The following GSR variants were observed in gnomAD, a reference collection of about 807,000 sequenced individuals.
The protein encoded by GSR is glutathione reductase, mitochondrial.
Under a neutral mutation model 56.5 loss-of-function variants are expected in GSR, and 48 were observed. That is an observed-to-expected ratio of 0.85 (90% CI 0.67 to 1.08). The LOEUF is 1.08. GSR is among the 50% of genes least tolerant of loss of function. The probability of loss-of-function intolerance (pLI) is 0.00; values close to 1 mark genes in which losing one functional copy is unlikely to be tolerated. For synonymous variants in GSR, 264 were observed against 270.8 expected (o/e 0.97, Z 0.25); for missense variants, 694 against 703.3 (o/e 0.99, Z 0.15).
chr8:30,682,469 A>G (rs1235323700), intron 10 of GSR, among the ~76,000 whole-genome samples: 1 of 152,242 alleles, frequency 6.6e-6, no homozygotes, highest in Non-Finnish European at 1.5e-5. Context: ...CTATGTGTAT[A>G]AGGTGTATGT....
Position 30,680,870 on chromosome 8 carries a change from A to G in GSR, c.1419+34T>C, listed in dbSNP as rs751974235. ...ATACTGCCATCCCTGTCCATTTTGC[A>G]AGGCACTATTTAGTTTGCTGGATTT... On this transcript the variant is annotated intron_variant, in intron 12 of 12. Coordinates refer to ENST00000221130, the MANE Select transcript of GSR (RefSeq NM_000637.5). 6 of 1,603,546 alleles carry G rather than the reference A, an allele frequency of 3.7e-6. No individual in the cohort carries two copies. In the South Asian group the frequency reaches 4.4e-5, roughly 12 times the overall value.
rs1804635676 is a variant in GSR at position 30,723,815 on chromosome 8, CACA to C, written c.306+3712_306+3714del. Among the ~76,000 whole-genome samples the C allele has an allele frequency of 2.6e-4, 5 of 19,462 alleles. No individual in the cohort carries two copies. The Non-Finnish European group carries it at 7.3e-3, about 28-fold the overall frequency. The allele number at this position is 19,462 out of a possible 152,430, so 12.8% of individuals were successfully genotyped here. On this transcript the variant is annotated intron_variant, in intron 1 of 12. Coordinates refer to ENST00000221130, the MANE Select transcript of GSR (RefSeq NM_000637.5). ...ACACACACACACACACACACACACACACACCCAGGTCTGCTGGGACCTAGTACA... is the reference window on the plus strand; with the variant it reads ...ACACACACACACACACACACACACACCCCAGGTCTGCTGGGACCTAGTACA...
chr8:30,679,245 C>T lies in GSR; in HGVS notation c.*275G>A. On this transcript the variant is annotated 3_prime_UTR_variant, in exon 13 of 13. Coordinates refer to ENST00000221130, the MANE Select transcript of GSR (RefSeq NM_000637.5). Reference sequence around the variant, plus strand: ...CTTTATATTTGGGATGAGGCTAAAACAGAAAAAAAAAACTAGCACAGAGCT... The same window carrying T: ...CTTTATATTTGGGATGAGGCTAAAATAGAAAAAAAAAACTAGCACAGAGCT... 2 of 399,706 alleles carry T rather than the reference C, an allele frequency of 5.0e-6. No individual in the cohort carries two copies. Among genetic ancestry groups the T allele is most frequent in the Non-Finnish European group, 8.9e-6 (2 of 223,872 alleles). The allele number at this position is 399,706 out of a possible 1,614,324, so 24.8% of individuals were successfully genotyped here.
intron 1 of GSR, among the ~76,000 whole-genome samples, chr8:30,714,134 G>A (rs1804247734): frequency 6.6e-6 from 1 of 150,684 alleles, no homozygotes; most frequent in Non-Finnish European, 1.5e-5. Flanking sequence ...ACACAGTTTG[G>A]CTATACTCCA....
intron 9 of GSR, among the ~76,000 whole-genome samples, chr8:30,685,043 T>A (rs866214461): frequency 9.3e-4 from 142 of 151,880 alleles, no homozygotes; most frequent in African/African-American, 3.2e-3. Flanking sequence ...CTCTGCAAGC[T>A]CTGCCTCCCA....
At chr8:30,682,623 A>G (rs1802997870) in intron 10 of GSR, among the ~76,000 whole-genome samples, 1 of 152,002 alleles carries the variant, frequency 6.6e-6, no homozygotes, top group African/African-American at 2.4e-5. Flanking sequence ...GTCTGGCCCC[A>G]CTCCCAAAAG....
chr8:30,723,984 C>A (rs10088455), intron 1 of GSR, among the ~76,000 whole-genome samples: 16,564 of 152,150 alleles, frequency 0.11, 2,802 homozygotes, highest in African/African-American at 0.36. Flanking sequence ...CTAATTTGAA[C>A]CTTCCGTGTG....
At chr8:30,698,160 A>G (rs1803613601) in intron 6 of GSR, among the ~76,000 whole-genome samples, 1 of 152,222 alleles carries the variant, frequency 6.6e-6, no homozygotes, top group Non-Finnish European at 1.5e-5. Context: ...TTATTTATGT[A>G]CTTGCCCAGT....
chr8:30,727,426 C>T, intron 1 of GSR, 104 bp downstream of exon 1: 1 of 1,147,526 alleles, frequency 8.7e-7, no homozygotes, highest in Non-Finnish European at 1.2e-6. Flanking sequence ...AAGAGGAAAG[C>T]CCAGCGCCGG....
At chr8:30,680,776 C>A (rs989091995) in intron 12 of GSR, 128 bp downstream of exon 12, 20 of 830,388 alleles carry the variant, frequency 2.4e-5, no homozygotes, top group Non-Finnish European at 3.1e-5. Context: ...TAAGACAGAT[C>A]AAAGTGGGCC....
chr8:30,721,429 T>A (rs1316788700), intron 1 of GSR, among the ~76,000 whole-genome samples: 1 of 152,148 alleles, frequency 6.6e-6, no homozygotes, highest in African/African-American at 2.4e-5. Context: ...GGTGGGCGGA[T>A]CACTTGAAGT....
chr8:30,691,398 A>G (rs2128740854), intron 8 of GSR, among the ~76,000 whole-genome samples: 1 of 151,370 alleles, frequency 6.6e-6, no homozygotes, highest in South Asian at 2.1e-4. Flanking sequence ...CAAGAAAGAT[A>G]GGCTGGGCAC....
intron 1 of GSR, among the ~76,000 whole-genome samples, chr8:30,721,143 G>A (rs547633821): frequency 0.015 from 823 of 54,882 alleles, 12 homozygotes; most frequent in Non-Finnish European, 0.024. Flanking sequence ...ACGGGCATCC[G>A]GGGAGAAGAA....
At chr8:30,712,143 C>A in intron 1 of GSR, 55 bp from the exon 2 acceptor site, 1 of 960,596 alleles carries the variant, frequency 1.0e-6, no homozygotes, top group South Asian at 1.4e-5. Flanking sequence ...AACCATCAAA[C>A]GAAATCTGCA....
At chr8:30,692,606 A>C (rs1197994220) in intron 8 of GSR, among the ~76,000 whole-genome samples, 2 of 149,486 alleles carry the variant, frequency 1.3e-5, no homozygotes, top group East Asian at 4.0e-4. Flanking sequence ...GGTTCAAGCA[A>C]TTCTCCTGCC....
chr8:30,700,962 A>G (rs183137062), intron 5 of GSR, among the ~76,000 whole-genome samples: 4 of 152,228 alleles, frequency 2.6e-5, no homozygotes, highest in Non-Finnish European at 5.9e-5. Flanking sequence ...TTGCAGTTCC[A>G]TGTTTCTAAC....
At chr8:30,684,895 T>A (rs2097179300) in intron 9 of GSR, among the ~76,000 whole-genome samples, 2 of 152,006 alleles carry the variant, frequency 1.3e-5, no homozygotes, top group African/African-American at 2.4e-5. Flanking sequence ...ACTAGAGGCA[T>A]GTGCCATCAC....
At chr8:30,719,531 G>A (rs1040962002) in intron 1 of GSR, among the ~76,000 whole-genome samples, 6 of 152,078 alleles carry the variant, frequency 3.9e-5, no homozygotes, top group Non-Finnish European at 5.9e-5. Context: ...GATAACAGGC[G>A]TGAGCCACCA....
At chr8:30,690,188 T>TTTA (rs1310780565) in intron 8 of GSR, among the ~76,000 whole-genome samples, 2 of 93,050 alleles carry the variant, frequency 2.1e-5, no homozygotes, top group East Asian at 3.8e-4. Context: ...TTATTTATTT[T>TTTA]TCTTTAAGAG....
Sources: gnomAD v4.1 joint callset for allele counts (sites outside exome capture counted in the v4.1 genomes callset) on GRCh38, gnomAD v4.1.1 for gene constraint, MANE v1.5 for transcripts, NCBI Gene and HGNC (gene_info 2026-07-23, HGNC 2026-07-21) for gene names.